Variants in KRABD2 observed in about 807,000 individuals in gnomAD.
The protein encoded by KRABD2 is KRAB domain containing 2, also known as KRAB domain-containing protein 2.
At chr17:8,363,855 A>ATT in the KRABD2 span, among the ~76,000 whole-genome samples, 9 of 67,752 alleles carry the variant, frequency 1.3e-4, no homozygotes, top group African/African-American at 4.1e-4. Context: ...ATATATATAT[A>ATT]TATATATTTA....
chr17:8,363,848 T>TATATATC, the KRABD2 span, among the ~76,000 whole-genome samples: 1 of 89,890 alleles, frequency 1.1e-5, no homozygotes, highest in Non-Finnish European at 2.3e-5. Context: ...TATATATATA[T>TATATATC]ATATATATAT....
At chr17:8,369,670 T>A in the KRABD2 span, 5 of 1,614,182 alleles carry the variant, frequency 3.1e-6, no homozygotes, top group Non-Finnish European at 4.2e-6. Flanking sequence ...GTACCAAGAA[T>A]TGTGAAAATA....
the KRABD2 span, chr17:8,369,795 C>A: frequency 6.8e-6 from 11 of 1,614,100 alleles, no homozygotes; most frequent in African/African-American, 1.3e-5. Context: ...ACCATCGGCA[C>A]TGGACTGCAT....
the KRABD2 span, chr17:8,376,589 C>T: frequency 6.9e-5 from 68 of 986,136 alleles, no homozygotes; most frequent in Non-Finnish European, 7.8e-5. Flanking sequence ...ACGGCTGAGG[C>T]GGGCGCGCGG....
chr17:8,363,766 A>C, the KRABD2 span, among the ~76,000 whole-genome samples: 1 of 147,976 alleles, frequency 6.8e-6, no homozygotes, highest in African/African-American at 2.5e-5. Context: ...ACATATATAT[A>C]TCATACATAT....
the KRABD2 span, among the ~76,000 whole-genome samples, chr17:8,360,102 C>T: frequency 5.9e-5 from 9 of 152,100 alleles, no homozygotes; most frequent in Non-Finnish European, 4.4e-5. Flanking sequence ...AGAACTCCTA[C>T]GCCAAAGTTC....
At chr17:8,359,129 T>G in the KRABD2 span, among the ~76,000 whole-genome samples, 1 of 152,210 alleles carries the variant, frequency 6.6e-6, no homozygotes. Context: ...TGAATGCCCC[T>G]CAATCTGGGT....
At chr17:8,370,138 C>T in the KRABD2 span, 110 of 1,613,914 alleles carry the variant, frequency 6.8e-5, no homozygotes, top group Non-Finnish European at 8.1e-5. Flanking sequence ...TATTTTGCTG[C>T]ACGGCGATAA....
At chr17:8,364,977 T>A in the KRABD2 span, among the ~76,000 whole-genome samples, 1 of 151,462 alleles carries the variant, frequency 6.6e-6, no homozygotes, top group African/African-American at 2.4e-5. This position sits in a 1 kb window ranked among gnomAD's most constrained non-coding sequence, Gnocchi z 4.4. Context: ...GAGGTTGTAG[T>A]GGGCCGAGAT....
At chr17:8,372,311 T>G in the KRABD2 span, among the ~76,000 whole-genome samples, 1 of 152,354 alleles carries the variant, frequency 6.6e-6, no homozygotes, top group East Asian at 1.9e-4. This position sits in a 1 kb window ranked among gnomAD's most constrained non-coding sequence, Gnocchi z 4.1. Flanking sequence ...ATTAAATGAA[T>G]GTATTGATAA....
At chr17:8,363,830 CATATATATAT>C in the KRABD2 span, among the ~76,000 whole-genome samples, 917 of 86,980 alleles carry the variant, frequency 0.011, 31 homozygotes, top group African/African-American at 0.033. Flanking sequence ...ATATATCATA[CATATATATAT>C]ATATATATAT....
chr17:8,363,852 TATATA>T, the KRABD2 span, among the ~76,000 whole-genome samples: 2,485 of 89,172 alleles, frequency 0.028, 158 homozygotes, highest in African/African-American at 0.098. Flanking sequence ...TATATATATA[TATATA>T]TATATTTATT....
chr17:8,369,062 G>A, the KRABD2 span: 1 of 1,523,166 alleles, frequency 6.6e-7, no homozygotes, highest in Non-Finnish European at 8.8e-7. Flanking sequence ...TTCCTCTGGG[G>A]CCTCTGGCAA....
chr17:8,363,810 TC>T, the KRABD2 span, among the ~76,000 whole-genome samples: 1 of 121,336 alleles, frequency 8.2e-6, no homozygotes, highest in Non-Finnish European at 1.6e-5. Context: ...CATATATATA[TC>T]ATACATATAT....
chr17:8,374,773 C>A, the KRABD2 span, among the ~76,000 whole-genome samples: 1 of 150,200 alleles, frequency 6.7e-6, no homozygotes, highest in Non-Finnish European at 1.5e-5. Context: ...GAGGAAACCC[C>A]GTCTCTACCA....
At chr17:8,366,899 T>C in the KRABD2 span, among the ~76,000 whole-genome samples, 1 of 151,722 alleles carries the variant, frequency 6.6e-6, no homozygotes, top group Admixed American at 6.6e-5. Flanking sequence ...TACTTTGCAT[T>C]TTTGTAAAGA....
the KRABD2 span, chr17:8,371,783 A>T: frequency 8.3e-7 from 1 of 1,208,860 alleles, no homozygotes; most frequent in Non-Finnish European, 1.0e-6. Context: ...GGGTGGCAGG[A>T]TCTGTTTCCA....
the KRABD2 span, chr17:8,369,631 C>T: frequency 4.0e-5 from 64 of 1,614,086 alleles, no homozygotes; most frequent in South Asian, 2.4e-4. Flanking sequence ...GTGAACTCAA[C>T]GCCACTGTCA....
chr17:8,361,755 A>G, the KRABD2 span, among the ~76,000 whole-genome samples: 1 of 152,084 alleles, frequency 6.6e-6, no homozygotes, highest in African/African-American at 2.4e-5. Context: ...GCTGGTGTCG[A>G]ACCCTGTGGC....
Sources: gnomAD v4.1 joint callset for allele counts (sites outside exome capture counted in the v4.1 genomes callset) on GRCh38, gnomAD v4.1.1 for gene constraint, Gnocchi (gnomAD v3.1) non-coding constraint, MANE v1.5 for transcripts, NCBI Gene and HGNC (gene_info 2026-07-23, HGNC 2026-07-21) for gene names.